PXDNL: variants seen among roughly 807,000 people sequenced by gnomAD.
PXDNL encodes the protein probable oxidoreductase PXDNL.
In PXDNL, 145 loss-of-function variants were observed where a neutral mutation model predicts 150.8. That is an observed-to-expected ratio of 0.96 (90% CI 0.84 to 1.10). The LOEUF (loss-of-function observed/expected upper bound fraction) is 1.10. Among genes scored for constraint, PXDNL ranks in the 50% least tolerant of loss-of-function variants. PXDNL has a pLI of 0.00. For synonymous variants in PXDNL, 757 were observed against 725.7 expected (o/e 1.04, Z -0.69); for missense variants, 2,087 against 1,873.9 (o/e 1.11, Z -2.10).
chr8:51,736,639 C>T (rs1817044605), intron 1 of PXDNL, among the ~76,000 whole-genome samples: 1 of 152,154 alleles, frequency 6.6e-6, no homozygotes, highest in Non-Finnish European at 1.5e-5. Context: ...AAAGTGTGTC[C>T]CTGGCAGCTA....
At chr8:51,443,529 C>T (rs1408240688) in intron 12 of PXDNL, among the ~76,000 whole-genome samples, 1 of 152,126 alleles carries the variant, frequency 6.6e-6, no homozygotes, top group Non-Finnish European at 1.5e-5. Context: ...ACATGGCTTA[C>T]ATGTAGCTAT....
At chr8:51,677,842 C>T (rs1286896119) in intron 1 of PXDNL, among the ~76,000 whole-genome samples, 1 of 152,194 alleles carries the variant, frequency 6.6e-6, no homozygotes, top group Non-Finnish European at 1.5e-5. Context: ...ATAGAACCTT[C>T]AGTTTAACTC....
intron 21 of PXDNL, among the ~76,000 whole-genome samples, chr8:51,332,433 A>C (rs930883846): frequency 5.9e-5 from 9 of 152,190 alleles, no homozygotes; most frequent in Non-Finnish European, 1.3e-4. Flanking sequence ...CAATGATCCC[A>C]AAAATCACAC....
In PXDNL at chr8:51,725,734, G is replaced by A. The variant is rs376053003; in HGVS notation, c.165-70974C>T. Among the ~76,000 whole-genome samples the A allele has an allele frequency of 4.6e-5, 7 of 152,294 alleles. No homozygotes were observed. The South Asian group carries it at 1.2e-3, about 27-fold the overall frequency. ...AACAACTAAAGAACATTTTGATTGG[G>A]GATAGAACCCAGTTCTCTTTAGTAA... On this transcript the variant is annotated intron_variant, in intron 1 of 22. Coordinates refer to ENST00000356297, the MANE Select transcript of PXDNL (RefSeq NM_144651.5).
chr8:51,717,341 C>G (rs1300353765), intron 1 of PXDNL, among the ~76,000 whole-genome samples: 1 of 152,118 alleles, frequency 6.6e-6, no homozygotes, highest in Non-Finnish European at 1.5e-5. Context: ...ATGAAGAAAG[C>G]TGGAAAGGGG....
rs1356631836 is a variant in PXDNL at position 51,486,826 on chromosome 8, C to T, written c.453-3112G>A. Among the ~76,000 whole-genome samples, 6 of 54,394 alleles carry T rather than the reference C, an allele frequency of 1.1e-4. No individual in the cohort carries two copies. The South Asian group carries it at 2.0e-3, about 18-fold the overall frequency. The allele number at this position is 54,394 out of a possible 152,430, so 35.7% of individuals were successfully genotyped here. On this transcript the variant is annotated intron_variant, in intron 5 of 22. Coordinates refer to ENST00000356297, the MANE Select transcript of PXDNL (RefSeq NM_144651.5). ...TTTTTTTTTTTTTTTTTTTTTGAGACGGAGTCTCACTCTTGCCAGGCTGCA... is the reference window on the plus strand; with the variant it reads ...TTTTTTTTTTTTTTTTTTTTTGAGATGGAGTCTCACTCTTGCCAGGCTGCA...
intron 1 of PXDNL, among the ~76,000 whole-genome samples, chr8:51,667,767 G>A (rs1213683016): frequency 1.3e-5 from 2 of 152,228 alleles, no homozygotes; most frequent in Non-Finnish European, 2.9e-5. Context: ...AAACGCACAA[G>A]GAGGGGGTTG....
chr8:51,692,684 G>A (rs768581000), intron 1 of PXDNL, among the ~76,000 whole-genome samples: 11 of 152,192 alleles, frequency 7.2e-5, no homozygotes, highest in African/African-American at 1.7e-4. Flanking sequence ...TGCCAACACC[G>A]TAATTCTAAG....
intron 1 of PXDNL, among the ~76,000 whole-genome samples, chr8:51,799,835 T>G (rs2037600638): frequency 6.6e-6 from 1 of 152,170 alleles, no homozygotes; most frequent in African/African-American, 2.4e-5. Flanking sequence ...TGGAGATCTT[T>G]GTAAGTTTCT....
rs374403263 is a variant in PXDNL, at chr8:51,653,144, G to A, written c.236+1545C>T. Among the ~76,000 whole-genome samples, 38 of 152,304 alleles carry A rather than the reference G, an allele frequency of 2.5e-4. No individual in the cohort carries two copies. In the South Asian group the frequency reaches 6.6e-3, roughly 27 times the overall value. On this transcript the variant is annotated intron_variant, in intron 2 of 22. Coordinates refer to ENST00000356297, the MANE Select transcript of PXDNL (RefSeq NM_144651.5). ...TTAGAAGATACTCAATAGCCTGGGC[G>A]TGGTGGTTCATGCCTGTAATCCCAA...
chr8:51,752,357 G>A (rs1056118366), intron 1 of PXDNL, among the ~76,000 whole-genome samples: 5 of 152,030 alleles, frequency 3.3e-5, no homozygotes, highest in Non-Finnish European at 2.9e-5. Flanking sequence ...GTCCTGTTAA[G>A]AATTCCTTCA....
chr8:51,402,009 G>T lies in PXDNL; in HGVS notation c.3557+6058C>A, dbSNP rs181403366. Among the ~76,000 whole-genome samples the T allele has an allele frequency of 4.6e-5, 7 of 152,318 alleles. No individual in the cohort carries two copies. The East Asian group carries it at 1.4e-3, about 29-fold the overall frequency. ...GAAGAAGGAAAAGCCAAGCCCACAG[G>T]AAAGGGGCAACCTTTTCGGGCAAAG... On this transcript the variant is annotated intron_variant, in intron 17 of 22. Coordinates refer to ENST00000356297, the MANE Select transcript of PXDNL (RefSeq NM_144651.5).
intron 1 of PXDNL, among the ~76,000 whole-genome samples, chr8:51,779,878 T>C (rs931255086): frequency 8.5e-5 from 13 of 152,130 alleles, no homozygotes; most frequent in Non-Finnish European, 1.6e-4. Flanking sequence ...AAAGCACTGT[T>C]CCCACACTCA....
intron 4 of PXDNL, among the ~76,000 whole-genome samples, chr8:51,534,055 G>C (rs922701254): frequency 2.8e-5 from 4 of 145,432 alleles, no homozygotes; most frequent in Middle Eastern, 6.9e-3. Context: ...CCTCTTCCCC[G>C]CCGCCATCCC....
At chr8:51,404,354 G>A (rs367859074) in intron 17 of PXDNL, among the ~76,000 whole-genome samples, 3,169 of 149,626 alleles carry the variant, frequency 0.021, 143 homozygotes, top group African/African-American at 0.078. Flanking sequence ...GGTTTGACAG[G>A]GTGCTGATTG....
At chr8:51,785,198 GTTTTGA>G (rs1249705457) in intron 1 of PXDNL, among the ~76,000 whole-genome samples, 2 of 151,386 alleles carry the variant, frequency 1.3e-5, no homozygotes, top group African/African-American at 4.9e-5. Flanking sequence ...AGAATCCACT[GTTTTGA>G]TTTTATTACC....
At chr8:51,577,822 C>G (rs1316488564) in intron 3 of PXDNL, among the ~76,000 whole-genome samples, 1 of 149,040 alleles carries the variant, frequency 6.7e-6, no homozygotes, top group African/African-American at 2.5e-5. Flanking sequence ...AGGAGCAAGG[C>G]AGGAATGTCT....
intron 4 of PXDNL, among the ~76,000 whole-genome samples, chr8:51,525,691 G>A (rs6990548): frequency 0.024 from 3,612 of 152,252 alleles, 149 homozygotes; most frequent in African/African-American, 0.082. Context: ...CTGGCTCAGG[G>A]AAGATTCTGG....
chr8:51,640,566 C>A (rs201245019), intron 2 of PXDNL, among the ~76,000 whole-genome samples: 2 of 151,892 alleles, frequency 1.3e-5, no homozygotes, highest in East Asian at 1.9e-4. Context: ...AATAACAGAC[C>A]AACAGAGAGC....
Sources: allele counts gnomAD v4.1 joint callset (sites outside exome capture counted in the v4.1 genomes callset), GRCh38; gene constraint gnomAD v4.1.1; transcripts MANE v1.5; gene names NCBI Gene and HGNC (gene_info 2026-07-23, HGNC 2026-07-21).